AKNA: variants seen among roughly 807,000 people sequenced by gnomAD.
The protein encoded by AKNA is AT-hook transcription factor.
A neutral mutation model predicts 138.8 loss-of-function variants in AKNA; 67 were observed. The ratio of observed to expected loss-of-function variants is 0.48; its 90% CI spans 0.40 to 0.59. AKNA has a LOEUF of 0.59. Ranked by LOEUF, AKNA falls within the 20% of genes least tolerant of loss-of-function variation. AKNA has a pLI of 0.00. For synonymous variants in AKNA, 737 were observed against 754.4 expected (o/e 0.98, Z 0.38); for missense variants, 1,813 against 1,880.4 (o/e 0.96, Z 0.66).
rs368308567 is a variant in AKNA at position 114,376,792 on chromosome 9, C to T, written c.1015G>A (p.Ala339Thr). 3.1e-6 allele frequency: 5 copies of T among 1,612,090 alleles called. No individual in the cohort carries two copies. In the Admixed American group the frequency reaches 5.0e-5, roughly 16 times the overall value. Residue 339 changes from alanine to threonine, a missense_variant, in exon 3 of 22, where the codon GCT (alanine) becomes ACT (threonine). Transcript: ENST00000374088. ...RPLPRQGATL[A>T]GRSSSNAPKY... The stretch of plus-strand genomic sequence containing the variant: ...GGGGCATTAGAAGAGGAGCGGCCAG[C>T]CAGAGTGGCTCCCTGTCTGGGCAGC...
At chr9:114,368,793 G>A (rs920113267) in intron 4 of AKNA, among the ~76,000 whole-genome samples, 198 bp from the exon 5 acceptor site, 2 of 152,194 alleles carry the variant, frequency 1.3e-5, no homozygotes, top group Admixed American at 6.5e-5. Context: ...GTCCTGAAAG[G>A]AAGACAGGGT....
intron 21 of AKNA, among the ~76,000 whole-genome samples, chr9:114,338,977 T>A (rs1357768758): frequency 6.6e-6 from 1 of 152,154 alleles, no homozygotes; most frequent in Non-Finnish European, 1.5e-5. Context: ...GCTTCTTGCA[T>A]CCCCAAAACA....
At chr9:114,342,921 C>CTT (rs1226477007) in intron 19 of AKNA, among the ~76,000 whole-genome samples, 1 of 152,226 alleles carries the variant, frequency 6.6e-6, no homozygotes, top group African/African-American at 2.4e-5. Flanking sequence ...TGTCAGGACT[C>CTT]TAACACTAGC....
intron 1 of AKNA, among the ~76,000 whole-genome samples, chr9:114,382,788 A>AGAGT (rs1333497424): frequency 6.6e-6 from 1 of 152,144 alleles, no homozygotes; most frequent in African/African-American, 2.4e-5. Context: ...AACTCCTTGG[A>AGAGT]GAGTGAAAGC....
At chr9:114,384,150 T>C (rs1456465767) in intron 1 of AKNA, among the ~76,000 whole-genome samples, 2 of 152,252 alleles carry the variant, frequency 1.3e-5, no homozygotes, top group African/African-American at 4.8e-5. Flanking sequence ...AATTCTGGCC[T>C]AGTGGTACCC....
At chr9:114,366,067 T>C (rs895639858) in intron 6 of AKNA, among the ~76,000 whole-genome samples, 3 of 152,108 alleles carry the variant, frequency 2.0e-5, no homozygotes, top group Admixed American at 2.0e-4. Flanking sequence ...TCACCTGAGG[T>C]CAGGAGCTCA....
At chr9:114,343,928 T>G in intron 18 of AKNA, 125 bp from the exon 19 acceptor site, 1 of 828,874 alleles carries the variant, frequency 1.2e-6, no homozygotes, top group Non-Finnish European at 1.9e-6. Context: ...CTCTCTCACG[T>G]GTGCACACGG....
Position 114,345,914 on chromosome 9 carries a change from C to A in AKNA, c.3610G>T (p.Val1204Leu). The change falls in exon 18 of 22, where the codon GTG becomes TTG. Residue 1204 changes from valine to leucine, a missense_variant. Val to Leu is a conservative substitution (Grantham distance 32, BLOSUM62 1). Coordinates refer to ENST00000374088, the MANE Select transcript of AKNA (RefSeq NM_001317950.2). The part of the protein sequence containing the change: ...PQAARDGKRG[V>L]GSAGWPDRVT... ...CTGTCTGGCCATCCAGCACTGCCCA[C>A]CCCTCTCTTTCCATCCCGAGCTGCC... The A allele has an allele frequency of 1.2e-6, 2 of 1,614,032 alleles. No individual in the cohort carries two copies. The highest frequency in any genetic ancestry group is 2.2e-5 in the South Asian group (2 of 91,070).
chr9:114,380,981 C>CAAAAAAAAAAAAAAAAAAAAAAAA lies in AKNA; in HGVS notation c.274+78_274+79insTTTTTTTTTTTTTTTTTTTTTTTT, dbSNP rs34055519. On this transcript the variant is annotated intron_variant, in intron 2 of 21. Coordinates refer to ENST00000374088, the MANE Select transcript of AKNA (RefSeq NM_001317950.2). ...CTGGCAATGAAGCAAGACTCTGTCT[C>CAAAAAAAAAAAAAAAAAAAAAAAA]AAAAAAAAAAAAAAAAAAAAGAACG... The CAAAAAAAAAAAAAAAAAAAAAAAA allele has an allele frequency of 2.3e-5, 25 of 1,110,532 alleles. No homozygotes were observed. The African/African-American group carries it at 6.7e-4, about 30-fold the overall frequency. The allele number at this position is 1,110,532 out of a possible 1,614,324, so 68.8% of individuals were successfully genotyped here. A position where few individuals can be genotyped will look rare whatever the true frequency, so the allele number is the denominator to read the frequency against.
intron 15 of AKNA, chr9:114,348,786 T>C (rs1830888569): frequency 2.2e-6 from 1 of 449,196 alleles, no homozygotes. Flanking sequence ...CGGAGCAGCG[T>C]TAGAGCCAGG....
rs1833008221 is a variant in AKNA, at chr9:114,374,259, AG to A, written c.1342-93del. 7.7e-5 allele frequency: 97 copies of A among 1,254,782 alleles called. 1 individual carries two copies. In the South Asian group the frequency reaches 1.2e-3, roughly 15 times the overall value. The allele number at this position is 1,254,782 out of a possible 1,614,324, so 77.7% of individuals were successfully genotyped here. A position where few individuals can be genotyped will look rare whatever the true frequency, so the allele number is the denominator to read the frequency against. On this transcript the variant is annotated intron_variant, in intron 3 of 21. Transcript: ENST00000374088. ...CCCTGATAGCAAACCCCCTTCCATA[AG>A]GGCTTCTGGGTTCCTGAGAGGAAAG...
chr9:114,365,958 G>A (rs1328545015), intron 6 of AKNA, among the ~76,000 whole-genome samples: 2 of 152,182 alleles, frequency 1.3e-5, no homozygotes, highest in Admixed American at 6.5e-5. Context: ...CATATAGGAC[G>A]AAGAAGAAAT....
chr9:114,348,546 C>T (rs1039861071), intron 15 of AKNA, among the ~76,000 whole-genome samples: 6 of 152,202 alleles, frequency 3.9e-5, no homozygotes, highest in South Asian at 4.1e-4. Context: ...CCACCTGAAC[C>T]GGGAGGGCTG....
At chr9:114,382,088 C>T (rs113959408) in intron 1 of AKNA, among the ~76,000 whole-genome samples, 15 of 152,322 alleles carry the variant, frequency 9.8e-5, no homozygotes, top group African/African-American at 3.6e-4. Context: ...ACAGGCCCTG[C>T]TCATGGGAGA....
At chr9:114,341,392 G>A in intron 21 of AKNA, 141 bp downstream of exon 21, 2 of 1,038,944 alleles carry the variant, frequency 1.9e-6, no homozygotes, top group Non-Finnish European at 2.9e-6. Context: ...ATGAGTGTTG[G>A]GCTCCTACTG....
chr9:114,367,544 T>A lies in AKNA; in HGVS notation c.1727A>T (p.Lys576Met). The change falls in exon 6 of 22, where the codon AAG becomes ATG. Residue 576 changes from lysine (K) to methionine (M), a missense_variant and splice_region_variant. Coordinates refer to ENST00000374088, the MANE Select transcript of AKNA (RefSeq NM_001317950.2). ...LASQASQFLA[K>M]VESFERLIQA... Reference sequence around the variant, plus strand: ...GGGCAAAGCTGGGAGTCCACTCACCTTGGCCAGGAACTGGCTGGCCTGAGA... The same window carrying A: ...GGGCAAAGCTGGGAGTCCACTCACCATGGCCAGGAACTGGCTGGCCTGAGA... 6.2e-7 allele frequency: 1 copy of A among 1,613,080 alleles called. No homozygotes were observed. Among genetic ancestry groups the A allele is most frequent in the Non-Finnish European group, 8.5e-7 (1 of 1,179,886 alleles).
At chr9:114,385,202 C>T (rs1833944397) in intron 1 of AKNA, among the ~76,000 whole-genome samples, 1 of 152,220 alleles carries the variant, frequency 6.6e-6, no homozygotes, top group African/African-American at 2.4e-5. Flanking sequence ...CTCATACCTT[C>T]TGCAGGGCCT....
At chr9:114,332,717 C>A (rs1239369773), downstream of AKNA, among the ~76,000 whole-genome samples, 1 of 152,096 alleles carries the variant, frequency 6.6e-6, no homozygotes, top group South Asian at 2.1e-4. Context: ...TAGGGAGCCT[C>A]GAATGGGTCC....
chr9:114,343,810 A>G lies in AKNA; in HGVS notation c.3662-7T>C, dbSNP rs1830510636. 1.2e-6 allele frequency: 2 copies of G among 1,603,860 alleles called. No individual in the cohort carries two copies. Among genetic ancestry groups the G allele is most frequent in the East Asian group, 4.5e-5 (2 of 44,592 alleles). ...AGAACATGGTATTCGTGGCCTGGGG[A>G]AAGAAACCAGAACTGTCAGTATCAG... On this transcript the variant is annotated splice_region_variant and splice_polypyrimidine_tract_variant and intron_variant, in intron 18 of 21. Coordinates refer to ENST00000374088, the MANE Select transcript of AKNA (RefSeq NM_001317950.2).
Sources: allele counts gnomAD v4.1 joint callset (sites outside exome capture counted in the v4.1 genomes callset), GRCh38; gene constraint gnomAD v4.1.1; transcripts MANE v1.5; gene names NCBI Gene and HGNC (gene_info 2026-07-23, HGNC 2026-07-21).